Variants in PIK3C3 observed in about 807,000 individuals in gnomAD.
PIK3C3 encodes the protein PI3-kinase type 3.
Under a neutral mutation model 126.1 loss-of-function variants are expected in PIK3C3, and 95 were observed. That is an observed-to-expected ratio of 0.75 (90% CI 0.64 to 0.89). PIK3C3 has a LOEUF of 0.89. Among genes scored for constraint, PIK3C3 ranks in the 40% least tolerant of loss-of-function variants. PIK3C3 has a pLI of 0.00. For synonymous variants in PIK3C3, 374 were observed against 360.0 expected, an observed-to-expected ratio of 1.04 and a Z score of -0.44; for missense variants, 829 against 1,063.2, an observed-to-expected ratio of 0.78 and a Z score of 3.06.
At chr18:42,028,413 A>G (rs1983670779) in intron 14 of PIK3C3, among the ~76,000 whole-genome samples, 1 of 152,350 alleles carries the variant, frequency 6.6e-6, no homozygotes, top group Middle Eastern at 3.4e-3. Context: ...GCAGTGTCAC[A>G]GTTTAGCCAG....
At chr18:41,958,020 C>T (rs1979880519) in intron 2 of PIK3C3, among the ~76,000 whole-genome samples, 1 of 152,148 alleles carries the variant, frequency 6.6e-6, no homozygotes, top group Non-Finnish European at 1.5e-5. Context: ...TGACCAAAAA[C>T]AAAAACACGT....
chr18:42,057,778 A>G (rs1985137099), intron 21 of PIK3C3, 105 bp from the exon 22 acceptor site: 2 of 1,007,438 alleles, frequency 2.0e-6, no homozygotes, highest in Admixed American at 2.3e-5. Context: ...TCGTGAACTA[A>G]TATTCTTTAT....
chr18:41,982,176 A>C (rs1018223372), intron 4 of PIK3C3, among the ~76,000 whole-genome samples: 8 of 152,238 alleles, frequency 5.3e-5, no homozygotes, highest in African/African-American at 1.9e-4. Context: ...TAGAGTCAAA[A>C]GAGTTAAGCT....
At chr18:41,979,874 C>CATTATTATTATTATTATTATT (rs60161824) in intron 4 of PIK3C3, among the ~76,000 whole-genome samples, 8 of 132,790 alleles carry the variant, frequency 6.0e-5, no homozygotes, top group African/African-American at 2.0e-4. Flanking sequence ...GGAATCATGC[C>CATTATTATTATTATTATTATT]ATTATTATTA....
At position 42,082,111 on chromosome 18, in the gene PIK3C3, G is replaced by T. The variant is rs1004495270; in HGVS notation, c.*974G>T. 6.6e-6 allele frequency: 1 copy of T among 151,828 alleles called. No homozygotes were observed. Among genetic ancestry groups the T allele is most frequent in the African/African-American group, 2.4e-5 (1 of 41,308 alleles). The allele number at this position is 151,828 out of a possible 1,614,324, so 9.4% of individuals were successfully genotyped here. A position where few individuals can be genotyped will look rare whatever the true frequency, so the allele number is the denominator to read the frequency against. On this transcript the variant is annotated 3_prime_UTR_variant, in exon 25 of 25. Coordinates refer to ENST00000262039, the MANE Select transcript of PIK3C3 (RefSeq NM_002647.4). ...TCTAGCTTTTTTACTGGAACTTTGGGGAAAAAGAACAAATACAAATATACA... is the reference window on the plus strand; with the variant it reads ...TCTAGCTTTTTTACTGGAACTTTGGTGAAAAAGAACAAATACAAATATACA...
intron 15 of PIK3C3, among the ~76,000 whole-genome samples, chr18:42,033,277 G>A (rs1983908632): frequency 1.3e-5 from 2 of 152,164 alleles, no homozygotes; most frequent in South Asian, 4.1e-4. Context: ...ATGTATATGA[G>A]CTGAAGAAAA....
At chr18:42,039,656 C>T (rs552688652) in intron 18 of PIK3C3, among the ~76,000 whole-genome samples, 3 of 152,146 alleles carry the variant, frequency 2.0e-5, no homozygotes, top group Non-Finnish European at 4.4e-5. Context: ...TGCTCCATGG[C>T]CTATTAATTT....
In PIK3C3 at chr18:42,087,091, T is replaced by C. The variant is rs1433846585; in HGVS notation, c.*5954T>C. 9 of 152,178 alleles carry C rather than the reference T, an allele frequency of 5.9e-5. No individual in the cohort carries two copies. The highest frequency in any genetic ancestry group is 5.9e-4 in the Admixed American group (9 of 15,276). 9.4% of individuals were successfully genotyped at this position (152,178 alleles called of 1,614,324 possible). On this transcript the variant is annotated 3_prime_UTR_variant, in exon 25 of 25. Coordinates refer to ENST00000262039, the MANE Select transcript of PIK3C3 (RefSeq NM_002647.4). Reference sequence around the variant, plus strand: ...CAGCCCTTTTGAAGTGGGTACATTGTCTGGAGTACATACCCTGGGGTTCAT... The same window carrying C: ...CAGCCCTTTTGAAGTGGGTACATTGCCTGGAGTACATACCCTGGGGTTCAT...
At position 42,007,544 on chromosome 18, in the gene PIK3C3, A is replaced by G. The variant is rs187332881; in HGVS notation, c.1170+3003A>G. Among the ~76,000 whole-genome samples the G allele has an allele frequency of 4.9e-3, 740 of 152,192 alleles. 4 individuals carry two copies. Among genetic ancestry groups the G allele is most frequent in the Non-Finnish European group, 8.9e-3 (604 of 67,998 alleles). On this transcript the variant is annotated intron_variant, in intron 10 of 24. Transcript: ENST00000262039. ...TGATTTTTTATTCACTCACTTATCA[A>G]TTTTACTAAAATCATATACATTCTT...
intron 18 of PIK3C3, among the ~76,000 whole-genome samples, chr18:42,039,235 G>A: frequency 6.6e-6 from 1 of 152,108 alleles, no homozygotes; most frequent in East Asian, 1.9e-4. Context: ...AAATTCCATA[G>A]TCTTGCTGCC....
intron 21 of PIK3C3, among the ~76,000 whole-genome samples, chr18:42,051,681 G>A (rs1984808929): frequency 6.6e-6 from 1 of 152,040 alleles, no homozygotes; most frequent in Non-Finnish European, 1.5e-5. Flanking sequence ...TTTAGCAGAG[G>A]ATATTTATAA....
In PIK3C3 at chr18:42,084,162, A is replaced by G. The variant is rs747807629; in HGVS notation, c.*3025A>G. 2.6e-5 allele frequency: 4 copies of G among 152,220 alleles called. No homozygotes were observed. Among genetic ancestry groups the G allele is most frequent in the Non-Finnish European group, 5.9e-5 (4 of 68,034 alleles). The allele number at this position is 152,220 out of a possible 1,614,324, so 9.4% of individuals were successfully genotyped here. ...AGGAAAAATGAATCTTGCCAATGCA[A>G]TTGTTAACCTACAACCATAATATAC... On this transcript the variant is annotated 3_prime_UTR_variant, in exon 25 of 25. Coordinates refer to ENST00000262039, the MANE Select transcript of PIK3C3 (RefSeq NM_002647.4).
At position 42,086,705 on chromosome 18, in the gene PIK3C3, C is replaced by T. The variant is rs1361401227; in HGVS notation, c.*5568C>T. ...ATGCCATAACAACATCAGGAAGTTA[C>T]CCTATATGGTCTAAAAAGGGGAGGA... On this transcript the variant is annotated 3_prime_UTR_variant, in exon 25 of 25. Coordinates refer to ENST00000262039, the MANE Select transcript of PIK3C3 (RefSeq NM_002647.4). 1 of 152,190 alleles carries T rather than the reference C, an allele frequency of 6.6e-6. No homozygotes were observed. Among genetic ancestry groups the T allele is most frequent in the African/African-American group, 2.4e-5 (1 of 41,442 alleles). The allele number at this position is 152,190 out of a possible 1,614,324, so 9.4% of individuals were successfully genotyped here. A position where few individuals can be genotyped will look rare whatever the true frequency, so the allele number is the denominator to read the frequency against.
At chr18:42,026,815 A>C (rs1406618510) in intron 13 of PIK3C3, 2 of 152,200 alleles carry the variant, frequency 1.3e-5, no homozygotes, top group Non-Finnish European at 2.9e-5. Context: ...TATTCAGATC[A>C]TTGCTTATAT....
chr18:41,978,825 G>A (rs950284410), intron 4 of PIK3C3, among the ~76,000 whole-genome samples: 1 of 152,020 alleles, frequency 6.6e-6, no homozygotes, highest in Admixed American at 6.5e-5. Context: ...AACTGTCAGG[G>A]TTTTAACATT....
intron 12 of PIK3C3, among the ~76,000 whole-genome samples, chr18:42,019,225 C>G (rs1310383675): frequency 6.6e-6 from 1 of 152,124 alleles, no homozygotes; most frequent in Non-Finnish European, 1.5e-5. Context: ...TAGAAATACT[C>G]AAGTATGTGT....
At chr18:42,051,544 G>GA (rs541416327) in intron 21 of PIK3C3, among the ~76,000 whole-genome samples, 73 of 152,078 alleles carry the variant, frequency 4.8e-4, no homozygotes, top group South Asian at 2.1e-3. Flanking sequence ...TATTACATAT[G>GA]AAAAATCATC....
At chr18:41,994,826 C>G (rs1981950067) in intron 7 of PIK3C3, among the ~76,000 whole-genome samples, 1 of 151,886 alleles carries the variant, frequency 6.6e-6, no homozygotes, top group African/African-American at 2.4e-5. Context: ...TCACTTGAGC[C>G]CATGAATTCT....
At chr18:42,009,336 A>G (rs986290404) in intron 10 of PIK3C3, among the ~76,000 whole-genome samples, 1 of 152,218 alleles carries the variant, frequency 6.6e-6, no homozygotes, top group African/African-American at 2.4e-5. Flanking sequence ...AGTCATATGT[A>G]TTACTCTTTG....
Sources: gnomAD v4.1 joint callset for allele counts (sites outside exome capture counted in the v4.1 genomes callset) on GRCh38, gnomAD v4.1.1 for gene constraint, MANE v1.5 for transcripts, NCBI Gene and HGNC (gene_info 2026-07-23, HGNC 2026-07-21) for gene names.